Variants in ABCC12 observed in about 807,000 individuals in gnomAD.
ABCC12 encodes ATP-binding cassette sub-family C member 12.
A neutral mutation model predicts 151.1 loss-of-function variants in ABCC12; 142 were observed. That is an observed-to-expected ratio of 0.94 (90% CI 0.82 to 1.08). The LOEUF is 1.08. Among genes scored for constraint, ABCC12 ranks in the 50% least tolerant of loss-of-function variants. The pLI is 0.00. For missense variants in ABCC12, 1,638 were observed against 1,691.1 expected (o/e 0.97, Z 0.55); for synonymous variants, 645 against 646.4 (o/e 1.00, Z 0.03).
At chr16:48,155,440 G>C (rs1296851188) in intron 1 of ABCC12, among the ~76,000 whole-genome samples, 6 of 151,752 alleles carry the variant, frequency 4.0e-5, no homozygotes, top group African/African-American at 1.5e-4. Flanking sequence ...AAGCTTTCCA[G>C]GTCTTTTTTT....
At chr16:48,151,599 G>C (rs1235028676) in intron 2 of ABCC12, among the ~76,000 whole-genome samples, 2 of 152,168 alleles carry the variant, frequency 1.3e-5, no homozygotes, top group Non-Finnish European at 2.9e-5. Flanking sequence ...TGGATATGGG[G>C]TACTGGAGAA....
chr16:48,139,159 T>G lies in ABCC12; in HGVS notation c.831+4A>C, dbSNP rs1314091857. 6.3e-7 allele frequency: 1 copy of G among 1,581,880 alleles called. No individual in the cohort carries two copies. Among genetic ancestry groups the G allele is most frequent in the South Asian group, 1.2e-5 (1 of 86,072 alleles). On this transcript the variant is annotated splice_donor_region_variant and intron_variant, in intron 7 of 30. Transcript: ENST00000311303. ...CAGTTAGAAGCGCAAAAGCCTGCCG[T>G]TACCTGGACGGGTATGAATATGACA... is the stretch of plus-strand genomic sequence containing the variant.
intron 14 of ABCC12, among the ~76,000 whole-genome samples, chr16:48,116,162 A>C (rs557657189): frequency 1.3e-5 from 2 of 152,292 alleles, no homozygotes; most frequent in South Asian, 4.2e-4. Context: ...TGGGCACAGA[A>C]TAGGTGCTCA....
Position 48,088,634 on chromosome 16 carries a change from T to C in ABCC12, c.3386A>G (p.Tyr1129Cys), listed in dbSNP as rs768206250. The stretch of plus-strand genomic sequence containing the variant: ...GAGAACAAGGGGGGTGTTGTCTCTG[T>C]ATCTCATCTGATAGTCTCTGAAGGT... ...EITFRDYQMR[Y>C]RDNTPLVLDS... The change falls in exon 26 of 31, where the codon TAC becomes TGC. Residue 1129 changes from tyrosine to cysteine, a missense_variant. Physicochemically the swap from Tyr to Cys is radical, Grantham distance 194. Transcript: ENST00000311303. 24 of 1,614,112 alleles carry C rather than the reference T, an allele frequency of 1.5e-5. No individual in the cohort carries two copies. Among genetic ancestry groups the C allele is most frequent in the Non-Finnish European group, 2.0e-5 (24 of 1,180,050 alleles).
At chr16:48,095,346 G>A (rs947088537) in intron 24 of ABCC12, among the ~76,000 whole-genome samples, 3 of 152,128 alleles carry the variant, frequency 2.0e-5, no homozygotes, top group Admixed American at 1.3e-4. Context: ...CCCCAGCCAC[G>A]TGGAACTGTG....
intron 22 of ABCC12, among the ~76,000 whole-genome samples, chr16:48,103,439 T>C (rs529326778): frequency 1.8e-4 from 28 of 151,874 alleles, no homozygotes; most frequent in Non-Finnish European, 3.2e-4. Context: ...GGTTGTGTAG[T>C]CTCCCTGATC....
chr16:48,099,618 C>T (rs947299468), intron 23 of ABCC12, among the ~76,000 whole-genome samples: 4 of 152,174 alleles, frequency 2.6e-5, no homozygotes, highest in African/African-American at 4.8e-5. Context: ...GCCTCCCTTG[C>T]GTTAGGTGAG....
intron 23 of ABCC12, among the ~76,000 whole-genome samples, chr16:48,099,066 A>G (rs1963211552): frequency 6.6e-6 from 1 of 152,194 alleles, no homozygotes; most frequent in Admixed American, 6.5e-5. Flanking sequence ...GTCTACTCTG[A>G]GATCCTGGGT....
intron 15 of ABCC12, among the ~76,000 whole-genome samples, chr16:48,114,544 A>G (rs569871361): frequency 1.3e-5 from 2 of 152,294 alleles, no homozygotes; most frequent in African/African-American, 4.8e-5. Context: ...TCCTGCTCCA[A>G]TAGGCCTTTC....
At chr16:48,136,997 G>T (rs1964632581) in intron 8 of ABCC12, among the ~76,000 whole-genome samples, 1 of 152,186 alleles carries the variant, frequency 6.6e-6, no homozygotes, top group African/African-American at 2.4e-5. Flanking sequence ...AATCTTAAGT[G>T]TGATAAGAAG....
Position 48,141,320 on chromosome 16 carries a change from C to T in ABCC12, c.309G>A (p.Arg103=), listed in dbSNP as rs757448474. The part of the protein sequence containing the change: ...FRVLWDEEVA[R]VGPEKASLSH... The stretch of plus-strand genomic sequence containing the variant: ...TCAGAGAGGCCTTCTCAGGACCCAC[C>T]CTTGCTACCTCTTCATCCCAAAGGA... The change falls in exon 5 of 31, where the codon AGG becomes AGA. Residue 103 remains arginine (R), a synonymous_variant. Transcript: ENST00000311303. 1.9e-6 allele frequency: 3 copies of T among 1,614,222 alleles called. No homozygotes were observed. Among genetic ancestry groups the T allele is most frequent in the East Asian group, 4.5e-5 (2 of 44,880 alleles).
Position 48,139,152 on chromosome 16 carries a change from C to T in ABCC12, c.831+11G>A, listed in dbSNP as rs748623341. 6.4e-7 allele frequency: 1 copy of T among 1,574,386 alleles called. No individual in the cohort carries two copies. Among genetic ancestry groups the T allele is most frequent in the East Asian group, 2.3e-5 (1 of 44,376 alleles). ...TACAAAGCAGTTAGAAGCGCAAAAG[C>T]CTGCCGTTACCTGGACGGGTATGAA... On this transcript the variant is annotated intron_variant, in intron 7 of 30. Coordinates refer to ENST00000311303, the MANE Select transcript of ABCC12 (RefSeq NM_001393797.1).
At chr16:48,091,041 G>T in intron 25 of ABCC12, 79 bp downstream of exon 25, 1 of 1,373,822 alleles carries the variant, frequency 7.3e-7, no homozygotes, top group African/African-American at 1.4e-5. Context: ...GACCCCTTTC[G>T]CATCTAAAAA....
intron 3 of ABCC12, among the ~76,000 whole-genome samples, chr16:48,145,756 C>A (rs1964978452): frequency 6.6e-6 from 1 of 152,214 alleles, no homozygotes; most frequent in South Asian, 2.1e-4. Flanking sequence ...AGCCGGCCCA[C>A]CTCCAGCAGC....
chr16:48,094,902 A>T (rs1456666573), intron 24 of ABCC12, among the ~76,000 whole-genome samples: 2 of 152,156 alleles, frequency 1.3e-5, no homozygotes, highest in Non-Finnish European at 2.9e-5. Flanking sequence ...TGAAAACCCA[A>T]CCCAGTTCCC....
intron 8 of ABCC12, among the ~76,000 whole-genome samples, chr16:48,135,875 G>A (rs923048803): frequency 6.6e-6 from 1 of 152,026 alleles, no homozygotes; most frequent in African/African-American, 2.4e-5. Context: ...TTCACCTCCT[G>A]TTTTTTGTCC....
chr16:48,114,015 C>T (rs533548077), intron 15 of ABCC12, among the ~76,000 whole-genome samples: 1 of 152,194 alleles, frequency 6.6e-6, no homozygotes, highest in African/African-American at 2.4e-5. Context: ...TGGGCCAGAG[C>T]CCATTCTGTC....
At chr16:48,124,499 CT>C (rs1255757380) in intron 11 of ABCC12, among the ~76,000 whole-genome samples, 1 of 152,208 alleles carries the variant, frequency 6.6e-6, no homozygotes, top group African/African-American at 2.4e-5. Flanking sequence ...AGTGCTTTCC[CT>C]TGTGTGGCAT....
chr16:48,100,828 C>A, intron 23 of ABCC12, 44 bp downstream of exon 23: 1 of 1,599,940 alleles, frequency 6.3e-7, no homozygotes, highest in East Asian at 2.2e-5. Flanking sequence ...CGGAGTCAGG[C>A]ATGAAGCATG....
Sources: allele counts gnomAD v4.1 joint callset (sites outside exome capture counted in the v4.1 genomes callset), GRCh38; gene constraint gnomAD v4.1.1; transcripts MANE v1.5; gene names NCBI Gene and HGNC (gene_info 2026-07-23, HGNC 2026-07-21).